Variants in GNA12 observed in about 807,000 individuals in gnomAD.
GNA12 encodes guanine nucleotide-binding protein subunit alpha-12.
Under a neutral mutation model 26.0 loss-of-function variants are expected in GNA12, and 9 were observed. The observed-to-expected ratio is 0.35, with a 90% confidence interval of 0.21 to 0.60. The LOEUF is 0.60. Among genes scored for constraint, GNA12 ranks in the 20% least tolerant of loss-of-function variants. The pLI, the probability that GNA12 is intolerant of heterozygous loss-of-function variation, is 0.78. For missense variants in GNA12, 405 were observed against 525.8 expected (o/e 0.77, Z 2.25); for synonymous variants, 264 against 219.6 (o/e 1.20, Z -1.79).
At chr7:2,838,749 A>G (rs1778907685) in intron 1 of GNA12, among the ~76,000 whole-genome samples, 1 of 152,244 alleles carries the variant, frequency 6.6e-6, no homozygotes, top group Admixed American at 6.5e-5. Flanking sequence ...ATAAGTGGCT[A>G]TATTAAAATA....
chr7:2,768,550 T>C (rs138624431), intron 2 of GNA12, among the ~76,000 whole-genome samples: 1 of 152,146 alleles, frequency 6.6e-6, no homozygotes, highest in South Asian at 2.1e-4. Context: ...AAACAAAGGT[T>C]AGAGTAAAAC....
chr7:2,789,132 C>CTTGTTTTT, intron 2 of GNA12, among the ~76,000 whole-genome samples: 1 of 72,822 alleles, frequency 1.4e-5, no homozygotes, highest in South Asian at 5.5e-4. Flanking sequence ...CTTCAGGCAT[C>CTTGTTTTT]TTTTTTTTTT....
chr7:2,774,020 C>T (rs1046227146), intron 2 of GNA12, among the ~76,000 whole-genome samples: 34 of 152,118 alleles, frequency 2.2e-4, no homozygotes, highest in African/African-American at 7.2e-5. Flanking sequence ...GAGTAAATAC[C>T]GTGTGAGGCC....
intron 2 of GNA12, among the ~76,000 whole-genome samples, chr7:2,753,624 A>G (rs1791143467): frequency 6.6e-6 from 1 of 152,134 alleles, no homozygotes; most frequent in Non-Finnish European, 1.5e-5. Flanking sequence ...TATTTTAGCT[A>G]TTACACATAA....
intron 2 of GNA12, among the ~76,000 whole-genome samples, chr7:2,775,990 CT>C (rs991426803): frequency 2.6e-5 from 4 of 152,370 alleles, no homozygotes; most frequent in Admixed American, 2.0e-4. Context: ...GGCAGCTCCC[CT>C]GGTGGGAAGG....
chr7:2,814,370 TCTGGTGTGCTTCCCGAACC>T, intron 1 of GNA12: 2 of 1,599,068 alleles, frequency 1.3e-6, no homozygotes, highest in Non-Finnish European at 8.6e-7. Context: ...TCGGTTTCCA[TCTGGTGTGCTTCCCGAACC>T]CTGCAAGTCA....
chr7:2,783,638 A>C (rs942205379), intron 2 of GNA12, among the ~76,000 whole-genome samples: 2 of 151,310 alleles, frequency 1.3e-5, no homozygotes, highest in African/African-American at 2.4e-5. Flanking sequence ...CAGTGCTTAG[A>C]GGCTGTAACA....
At chr7:2,753,152 G>A (rs1465979219) in intron 2 of GNA12, among the ~76,000 whole-genome samples, 5 of 147,544 alleles carry the variant, frequency 3.4e-5, no homozygotes, top group Admixed American at 6.9e-5. Flanking sequence ...TACAGCATGC[G>A]GCTTTTTTTT....
In GNA12 at chr7:2,731,530, C is replaced by G. The variant is rs758369709; in HGVS notation, c.797G>C (p.Arg266Pro). Residue 266 changes from arginine (R) to proline (P), a missense_variant, in exon 4 of 4, where the codon CGC becomes CCC. Transcript: ENST00000275364. The surrounding 1 kb of genome is among the most constrained non-coding windows in gnomAD (Gnocchi z 6.0). ...EYDQVLMEDRRTNRLVESMNI... is the reference protein window; with the variant it reads ...EYDQVLMEDRPTNRLVESMNI... ...CATGGACTCCACCAGCCGGTTGGTG[C>G]GCCTGTCCTCCATGAGGACCTGGTC... The G allele has an allele frequency of 6.2e-7, 1 of 1,611,080 alleles. No homozygotes were observed. The highest frequency in any genetic ancestry group is 8.5e-7 in the Non-Finnish European group (1 of 1,177,890).
intron 2 of GNA12, among the ~76,000 whole-genome samples, chr7:2,744,362 A>G (rs1790663262): frequency 6.6e-6 from 1 of 152,292 alleles, no homozygotes; most frequent in East Asian, 1.9e-4. Context: ...GTGGGTCACC[A>G]ATATCCGCTG....
chr7:2,788,458 A>G (rs1174518378), intron 2 of GNA12, among the ~76,000 whole-genome samples: 3 of 152,244 alleles, frequency 2.0e-5, no homozygotes, highest in Non-Finnish European at 2.9e-5. Flanking sequence ...ACAGGAGCGC[A>G]CACTCTGGAC....
intron 1 of GNA12, among the ~76,000 whole-genome samples, chr7:2,811,207 G>A (rs772092425): frequency 8.5e-5 from 13 of 152,200 alleles, no homozygotes; most frequent in Non-Finnish European, 1.6e-4. Flanking sequence ...AGGGAAGACG[G>A]CTCAGCCTAA....
At chr7:2,774,501 G>C (rs1792026552) in intron 2 of GNA12, among the ~76,000 whole-genome samples, 1 of 152,184 alleles carries the variant, frequency 6.6e-6, no homozygotes, top group South Asian at 2.1e-4. Context: ...GGCCCTGAGT[G>C]TGCAGGGAGC....
chr7:2,746,059 A>C (rs1159851238), intron 2 of GNA12, among the ~76,000 whole-genome samples: 3 of 152,208 alleles, frequency 2.0e-5, no homozygotes, highest in Non-Finnish European at 4.4e-5. Context: ...AGACTCCCAC[A>C]CAATAATAAT....
intron 1 of GNA12, among the ~76,000 whole-genome samples, chr7:2,817,251 C>T (rs552809042): frequency 9.2e-5 from 14 of 152,312 alleles, no homozygotes; most frequent in African/African-American, 3.4e-4. Context: ...ATTACAGGCA[C>T]GCGCCACCAT....
chr7:2,794,706 G>C, intron 2 of GNA12: 1 of 567,162 alleles, frequency 1.8e-6, no homozygotes. Context: ...CCAGAAGAAA[G>C]CTATTGATCT....
intron 2 of GNA12, among the ~76,000 whole-genome samples, chr7:2,778,561 AG>A (rs1420406894): frequency 5.9e-5 from 9 of 152,358 alleles, no homozygotes; most frequent in Middle Eastern, 3.4e-3. Flanking sequence ...CTACTTCAGG[AG>A]TTCAGACCCC....
At chr7:2,752,925 T>G (rs1382239768) in intron 2 of GNA12, among the ~76,000 whole-genome samples, 1 of 152,188 alleles carries the variant, frequency 6.6e-6, no homozygotes, top group Non-Finnish European at 1.5e-5. Flanking sequence ...CCTGTCTAGA[T>G]TTGTGTAACC....
At position 2,776,054 on chromosome 7, in the gene GNA12, A is replaced by AT. The variant is rs922533885; in HGVS notation, c.525+18873dup. 1.7e-3 allele frequency among the ~76,000 whole-genome samples: 264 copies of AT among 151,832 alleles called. 2 individuals carry two copies. Among genetic ancestry groups the AT allele is most frequent in the African/African-American group, 4.5e-3 (188 of 41,434 alleles). Reference sequence around the variant, plus strand: ...CTGGGGGCTAACAATGGGTCTTTTGATTTTTTTTTATGAGACTGGGTTTCA... The same window carrying AT: ...CTGGGGGCTAACAATGGGTCTTTTGATTTTTTTTTTATGAGACTGGGTTTCA... On this transcript the variant is annotated intron_variant, in intron 2 of 3. Transcript: ENST00000275364.
Sources: gnomAD v4.1 joint callset for allele counts (sites outside exome capture counted in the v4.1 genomes callset) on GRCh38, gnomAD v4.1.1 for gene constraint, Gnocchi (gnomAD v3.1) non-coding constraint, MANE v1.5 for transcripts, NCBI Gene and HGNC (gene_info 2026-07-23, HGNC 2026-07-21) for gene names.